The following FARP1 variants were observed in gnomAD, a reference collection of about 807,000 sequenced individuals.
The protein encoded by FARP1 is FERM, ARH/RhoGEF and pleckstrin domain protein 1.
A neutral mutation model predicts 128.8 loss-of-function variants in FARP1; 52 were observed. The ratio of observed to expected loss-of-function variants is 0.40; its 90% CI spans 0.32 to 0.51. The LOEUF is 0.51. FARP1 is among the 20% of genes least tolerant of loss of function. The pLI is 0.45. For synonymous variants in FARP1, 580 were observed against 551.8 expected (o/e 1.05, Z -0.72); for missense variants, 1,333 against 1,367.9 (o/e 0.97, Z 0.40).
At chr13:98,408,390 C>T (rs1358195337) in intron 13 of FARP1, among the ~76,000 whole-genome samples, 2 of 125,822 alleles carry the variant, frequency 1.6e-5, no homozygotes, top group African/African-American at 3.1e-5. Context: ...TGCAGTGGGG[C>T]GATCTCAGTT....
chr13:98,390,947 C>A (rs1013534437), intron 11 of FARP1, 67 bp downstream of exon 11: 5 of 1,084,088 alleles, frequency 4.6e-6, no homozygotes, highest in Non-Finnish European at 7.1e-6. Flanking sequence ...CAGTTTGTTG[C>A]TGCTAAATAT....
At position 98,280,668 on chromosome 13, in the gene FARP1, T is replaced by C. The variant is rs78219226; in HGVS notation, c.172-63094T>C. On this transcript the variant is annotated intron_variant, in intron 2 of 26. Coordinates refer to ENST00000319562, the MANE Select transcript of FARP1 (RefSeq NM_005766.4). ...TGTTCACAGACACTTCTTCAAATCC[T>C]AAGTTTGACAAATTAATGAATTTTT... Among the ~76,000 whole-genome samples the C allele has an allele frequency of 7.8e-3, 1,194 of 152,358 alleles. 17 individuals are homozygous for C. The highest frequency in any genetic ancestry group is 0.029 in the East Asian group (152 of 5,180).
chr13:98,414,867 A>C (rs1243264651), intron 16 of FARP1, among the ~76,000 whole-genome samples: 1 of 152,222 alleles, frequency 6.6e-6, no homozygotes, highest in African/African-American at 2.4e-5. Flanking sequence ...AGACTTTCCA[A>C]AGCATGATGG....
chr13:98,430,027 C>T (rs1472922228), intron 17 of FARP1, among the ~76,000 whole-genome samples: 7 of 152,156 alleles, frequency 4.6e-5, no homozygotes, highest in Admixed American at 4.6e-4. Flanking sequence ...TCACTTGAGG[C>T]CAGGAGTTTG....
intron 1 of FARP1, among the ~76,000 whole-genome samples, chr13:98,198,712 A>G (rs547614708): frequency 1.3e-5 from 2 of 151,972 alleles, no homozygotes; most frequent in East Asian, 3.9e-4. Context: ...CCCTGTCTCT[A>G]CTAAAAATAG....
Position 98,440,014 on chromosome 13 carries a change from C to A in FARP1, c.2487C>A (p.Gly829=), listed in dbSNP as rs1216139358. 4 of 1,603,968 alleles carry A rather than the reference C, an allele frequency of 2.5e-6. No individual in the cohort carries two copies. The highest frequency in any genetic ancestry group is 3.4e-6 in the Non-Finnish European group (4 of 1,172,802). Residue 829 remains glycine, a synonymous_variant, in exon 22 of 27, where the codon GGC becomes GGA. Transcript: ENST00000319562. ...WGVPHCLTLR[G]QRQSIIVAAS... ...TGCCCCACTGCCTGACCCTCCGGGG[C>A]CAGCGGCAGTCCATCATCGTGGCCG... is the stretch of plus-strand genomic sequence containing the variant.
rs781523845 is a variant in FARP1 at position 98,176,649 on chromosome 13, G to A, written c.-24+33157G>A. 2.6e-5 allele frequency: 42 copies of A among 1,614,218 alleles called. No homozygotes were observed. The Admixed American group carries it at 7.0e-4, about 27-fold the overall frequency. On this transcript the variant is annotated intron_variant, in intron 1 of 26. Transcript: ENST00000319562. This position sits in a 1 kb window ranked among gnomAD's most constrained non-coding sequence, Gnocchi z 6.2. ...AGAAGCCAGTCTCCTTGTAGTCCTT[G>A]CAGATGTCAGGCTGGTAATCCCAGC...
At chr13:98,285,584 T>C (rs934521663) in intron 2 of FARP1, among the ~76,000 whole-genome samples, 1 of 152,226 alleles carries the variant, frequency 6.6e-6, no homozygotes, top group South Asian at 2.1e-4. Context: ...CTGGTTGTAA[T>C]GAAAAGAATC....
intron 2 of FARP1, among the ~76,000 whole-genome samples, chr13:98,303,511 A>G (rs558627229): frequency 3.9e-5 from 6 of 152,304 alleles, no homozygotes; most frequent in African/African-American, 1.4e-4. Flanking sequence ...CTCGTTGTGT[A>G]TGTTCTGGGG....
intron 19 of FARP1, among the ~76,000 whole-genome samples, chr13:98,436,425 C>T (rs1350997608): frequency 6.6e-6 from 1 of 152,246 alleles, no homozygotes; most frequent in Non-Finnish European, 1.5e-5. Context: ...CATCAAATCT[C>T]TCTCTGGGAT....
chr13:98,171,903 C>T (rs1272780178), intron 1 of FARP1, among the ~76,000 whole-genome samples: 1 of 152,174 alleles, frequency 6.6e-6, no homozygotes, highest in Non-Finnish European at 1.5e-5. Context: ...GGTCACATTT[C>T]TCTATCTCAT....
rs571864236 is a variant in FARP1 at position 98,365,638 on chromosome 13, A to G, written c.319+201A>G. On this transcript the variant is annotated intron_variant, in intron 4 of 26. Coordinates refer to ENST00000319562, the MANE Select transcript of FARP1 (RefSeq NM_005766.4). The stretch of plus-strand genomic sequence containing the variant: ...TTAATGTGTAACAGTTTGGTAATCA[A>G]AACCGAGCTTGGAAAATAAAATATC... Among the ~76,000 whole-genome samples, 5 of 152,348 alleles carry G rather than the reference A, an allele frequency of 3.3e-5. No individual in the cohort carries two copies. In the East Asian group the frequency reaches 9.6e-4, roughly 29 times the overall value.
chr13:98,142,800 T>G (rs910548312), upstream of FARP1: 1 of 152,320 alleles, frequency 6.6e-6, no homozygotes, highest in African/African-American at 2.4e-5. Context: ...CCACAGCTGC[T>G]GGATTCGCGT....
rs377351477 is a variant in FARP1 at position 98,314,775 on chromosome 13, TGTG to T, written c.172-28984_172-28982del. Among the ~76,000 whole-genome samples the T allele has an allele frequency of 3.9e-3, 598 of 152,342 alleles. 1 individual carries two copies. Among genetic ancestry groups the T allele is most frequent in the Non-Finnish European group, 6.5e-3 (442 of 68,040 alleles). On this transcript the variant is annotated intron_variant, in intron 2 of 26. Transcript: ENST00000319562. Reference sequence around the variant, plus strand: ...TAGACCCCACGAATAACCCAGCTCTTGTGGTCCTGCGGGACGCATTTCCCAGAG... The same window carrying T: ...TAGACCCCACGAATAACCCAGCTCTTGTCCTGCGGGACGCATTTCCCAGAG...
intron 24 of FARP1, among the ~76,000 whole-genome samples, chr13:98,442,791 G>A (rs1345308499): frequency 6.6e-6 from 1 of 152,234 alleles, no homozygotes; most frequent in Non-Finnish European, 1.5e-5. Flanking sequence ...TGTCTGAAAC[G>A]AAGCCAGTCG....
intron 1 of FARP1, among the ~76,000 whole-genome samples, chr13:98,179,378 T>C (rs542723342): frequency 6.6e-6 from 1 of 152,216 alleles, no homozygotes; most frequent in African/African-American, 2.4e-5. Flanking sequence ...TTTTGGGAGC[T>C]ACCATTCAAG....
At chr13:98,341,870 A>G (rs1887988881) in intron 2 of FARP1, among the ~76,000 whole-genome samples, 1 of 152,186 alleles carries the variant, frequency 6.6e-6, no homozygotes. Flanking sequence ...TATGTAGAAA[A>G]TGCATGAATA....
At chr13:98,278,625 C>T (rs1884784148) in intron 2 of FARP1, among the ~76,000 whole-genome samples, 1 of 152,104 alleles carries the variant, frequency 6.6e-6, no homozygotes, top group African/African-American at 2.4e-5. Context: ...CACTACTCAT[C>T]AGTAAACCTG....
At chr13:98,364,979 G>A (rs551623209) in intron 3 of FARP1, among the ~76,000 whole-genome samples, 7 of 152,208 alleles carry the variant, frequency 4.6e-5, no homozygotes, top group South Asian at 2.1e-4. Flanking sequence ...TTCCCTTTCC[G>A]CATCCCTCAA....
Sources: gnomAD v4.1 joint callset for allele counts (sites outside exome capture counted in the v4.1 genomes callset) on GRCh38, gnomAD v4.1.1 for gene constraint, Gnocchi (gnomAD v3.1) non-coding constraint, MANE v1.5 for transcripts, NCBI Gene and HGNC (gene_info 2026-07-23, HGNC 2026-07-21) for gene names.